Variants in LRP1 observed in about 807,000 individuals in gnomAD.
LRP1 encodes prolow-density lipoprotein receptor-related protein 1.
LRP1 carries 51 observed loss-of-function variants against 541.5 expected under a neutral mutation model. The observed-to-expected ratio is 0.09, with a 90% CI of 0.08 to 0.12. The LOEUF (loss-of-function observed/expected upper bound fraction) is 0.12. Ranked by LOEUF, LRP1 falls within the 10% of genes least tolerant of loss-of-function variation. The probability of loss-of-function intolerance (pLI) is 1.00; values close to 1 mark genes in which losing one functional copy is unlikely to be tolerated. For synonymous variants in LRP1, 2,219 were observed against 2,470.8 expected, an observed-to-expected ratio of 0.90 and a Z score of 3.02; for missense variants, 3,878 against 6,376.2, an observed-to-expected ratio of 0.61 and a Z score of 13.34.
At chr12:57,190,667 C>T in intron 42 of LRP1, 138 bp from the exon 43 acceptor site, 2 of 679,042 alleles carry the variant, frequency 2.9e-6, no homozygotes, top group South Asian at 1.7e-5. Context: ...GGCATTGGGG[C>T]ACTGCTGGCC....
rs150870311 is a variant in LRP1, at chr12:57,184,481, G to A, written c.6186+29G>A. ...CGCACGCCAACTTGGCCTTGGATCC[G>A]ATGGTAGACCCCTGACCCAGGCTCC... On this transcript the variant is annotated intron_variant, in intron 38 of 88. Transcript: ENST00000243077. The surrounding 1 kb of genome is among the most constrained non-coding windows in gnomAD (Gnocchi z 7.8). 5,035 of 1,613,634 alleles carry A rather than the reference G, an allele frequency of 3.1e-3. 11 individuals are homozygous for A. The highest frequency in any genetic ancestry group is 4.0e-3 in the Non-Finnish European group (4,695 of 1,179,850).
chr12:57,187,790 A>G (rs2036298664), intron 42 of LRP1, among the ~76,000 whole-genome samples: 1 of 152,210 alleles, frequency 6.6e-6, no homozygotes, highest in African/African-American at 2.4e-5. Flanking sequence ...AGCTTCAGGC[A>G]AAGAATGTTT....
chr12:57,191,631 C>A (rs1348431722), intron 44 of LRP1, 119 bp downstream of exon 44: 9 of 814,112 alleles, frequency 1.1e-5, no homozygotes, highest in Non-Finnish European at 1.7e-5. Flanking sequence ...CACACACACA[C>A]ATCCCACACA....
In LRP1 at chr12:57,165,533, T is replaced by C; in HGVS notation, c.2531-272T>C. On this transcript the variant is annotated intron_variant, in intron 15 of 88. Coordinates refer to ENST00000243077, the MANE Select transcript of LRP1 (RefSeq NM_002332.3). This position sits in a 1 kb window ranked among gnomAD's most constrained non-coding sequence, Gnocchi z 4.5. ...AGAGCCTGTTCGGTGGTGACAGAGG[T>C]ATAGAGGCCATGGGCTCTCTTGGAC... 1 of 387,362 alleles carries C rather than the reference T, an allele frequency of 2.6e-6. No individual in the cohort carries two copies. The highest frequency in any genetic ancestry group is 4.7e-6 in the Non-Finnish European group (1 of 210,874). The allele number at this position is 387,362 out of a possible 1,614,324, so 24.0% of individuals were successfully genotyped here. A position where few individuals can be genotyped will look rare whatever the true frequency, so the allele number is the denominator to read the frequency against.
At chr12:57,157,583 C>G (rs944882354) in intron 10 of LRP1, among the ~76,000 whole-genome samples, 1 of 152,164 alleles carries the variant, frequency 6.6e-6, no homozygotes, top group Non-Finnish European at 1.5e-5. Context: ...CACACTCCAG[C>G]CTGGATGACA....
rs1458948195 is a variant in LRP1, at chr12:57,210,780, G to A, written c.12817G>A (p.Ala4273Thr). 4 of 1,613,404 alleles carry A rather than the reference G, an allele frequency of 2.5e-6. No homozygotes were observed. In the African/African-American group the frequency reaches 5.3e-5, roughly 22 times the overall value. The stretch of plus-strand genomic sequence containing the variant: ...CCCCAAATGCACCCAGCAGGTGTGT[G>A]CGGGCTACTGTGCCAACAACAGCAC... ...TGPKCTQQVC[A>T]GYCANNSTCT... The change falls in exon 83 of 89, where the codon GCG (alanine) becomes ACG (threonine). Residue 4273 changes from alanine (A) to threonine (T), a missense_variant. Physicochemically the swap from Ala to Thr is moderately conservative, Grantham distance 58. This residue lies in a region of LRP1 where 871 missense variants were observed against 1,212.4 expected (regional missense o/e 0.72). Coordinates refer to ENST00000243077, the MANE Select transcript of LRP1 (RefSeq NM_002332.3).
In LRP1 at chr12:57,173,168, C is replaced by T; in HGVS notation, c.3164C>T (p.Ala1055Val). 1 of 1,603,228 alleles carries T rather than the reference C, an allele frequency of 6.2e-7. No homozygotes were observed. Among genetic ancestry groups the T allele is most frequent in the Non-Finnish European group, 8.5e-7 (1 of 1,173,554 alleles). ...DETHANCTNQ[A>V]TRPPGGCHTD... Reference sequence around the variant, plus strand: ...GAGGCCCTCCACTGTCCCTCTGCAGCCACGAGGCCCCCTGGTGGCTGCCAC... The same window carrying T: ...GAGGCCCTCCACTGTCCCTCTGCAGTCACGAGGCCCCCTGGTGGCTGCCAC... The change falls in exon 21 of 89, where the codon GCC becomes GTC. Residue 1055 changes from alanine (A) to valine (V), a missense_variant and splice_region_variant. Ala to Val is a moderately conservative substitution (Grantham distance 64, BLOSUM62 0). This residue lies in a region of LRP1 where 320 missense variants were observed against 547.9 expected (regional missense o/e 0.58). Transcript: ENST00000243077. This position sits in a 1 kb window ranked among gnomAD's most constrained non-coding sequence, Gnocchi z 4.7.
chr12:57,210,135 C>T lies in LRP1; in HGVS notation c.12546C>T (p.Cys4182=), dbSNP rs752644490. 8.1e-6 allele frequency: 13 copies of T among 1,611,476 alleles called. No individual in the cohort carries two copies. Among genetic ancestry groups the T allele is most frequent in the South Asian group, 3.3e-5 (3 of 90,820 alleles). The change falls in exon 81 of 89, where the codon TGC becomes TGT. Residue 4182 remains cysteine, a synonymous_variant. Transcript: ENST00000243077. The stretch of plus-strand genomic sequence containing the variant: ...GGAAGCGGCTGGACAACGGCACATG[C>T]GTGCCTGTGCCCTCTCCAACGCCCC... ...PNGKRLDNGT[C]VPVPSPTPPP... is the part of the protein sequence containing the mutation.
chr12:57,197,715 T>C lies in LRP1; in HGVS notation c.9282+51T>C. ...AACACTGGCCCGCCTCAGATGACTG[T>C]TTTCAGATCGTCTCTCCTTCCCGCC... On this transcript the variant is annotated intron_variant, in intron 58 of 88. Transcript: ENST00000243077. The surrounding 1 kb of genome is among the most constrained non-coding windows in gnomAD (Gnocchi z 4.5). 1 of 1,597,374 alleles carries C rather than the reference T, an allele frequency of 6.3e-7. No individual in the cohort carries two copies. Among genetic ancestry groups the C allele is most frequent in the Non-Finnish European group, 8.5e-7 (1 of 1,172,870 alleles).
Position 57,203,278 on chromosome 12 carries a change from C to A in LRP1, c.10809C>A (p.Gly3603=). The A allele has an allele frequency of 1.2e-6, 2 of 1,606,162 alleles. No individual in the cohort carries two copies. Among genetic ancestry groups the A allele is most frequent in the Non-Finnish European group, 8.5e-7 (1 of 1,174,582 alleles). ...KCDGDHDCAD[G]SDEKDCTPRC... is the part of the protein sequence containing the mutation. ...ATGGAGACCACGACTGCGCGGACGG[C>A]TCGGACGAGGTGGGCAGGGAGATGA... Residue 3603 remains glycine (G), a synonymous_variant, in exon 69 of 89, where the codon GGC becomes GGA. Transcript: ENST00000243077.
chr12:57,158,228 C>T lies in LRP1; in HGVS notation c.1562-174C>T, dbSNP rs1346723245. ...ACCCCAGGGTATTGCGGCCAGGACCCATCGTCCTGTATGTTAGCGTGTGCG... is the reference window on the plus strand; with the variant it reads ...ACCCCAGGGTATTGCGGCCAGGACCTATCGTCCTGTATGTTAGCGTGTGCG... On this transcript the variant is annotated intron_variant, in intron 10 of 88. Transcript: ENST00000243077. The surrounding 1 kb of genome is among the most constrained non-coding windows in gnomAD (Gnocchi z 5.3). Among the ~76,000 whole-genome samples the T allele has an allele frequency of 6.6e-6, 1 of 152,200 alleles. No homozygotes were observed. The highest frequency in any genetic ancestry group is 1.5e-5 in the Non-Finnish European group (1 of 68,036).
At position 57,184,401 on chromosome 12, in the gene LRP1, G is replaced by T; in HGVS notation, c.6135G>T (p.Val2045=). 6.2e-7 allele frequency: 1 copy of T among 1,614,236 alleles called. No homozygotes were observed. Among genetic ancestry groups the T allele is most frequent in the Non-Finnish European group, 8.5e-7 (1 of 1,180,038 alleles). Residue 2045 remains valine (V), a synonymous_variant, in exon 38 of 89, where the codon GTG becomes GTT. Coordinates refer to ENST00000243077, the MANE Select transcript of LRP1 (RefSeq NM_002332.3). This position sits in a 1 kb window ranked among gnomAD's most constrained non-coding sequence, Gnocchi z 7.8. ...RSRLDGTERV[V]LVNVSISWPN... ...GGCTAGATGGCACGGAGCGTGTGGT[G>T]CTGGTCAACGTCAGCATCAGCTGGC... is the stretch of plus-strand genomic sequence containing the variant.
At chr12:57,141,607 G>A in intron 3 of LRP1, 96 bp downstream of exon 3, 1 of 1,463,296 alleles carries the variant, frequency 6.8e-7, no homozygotes, top group Admixed American at 1.8e-5. Context: ...TGGGGATGAG[G>A]CCTTGTCCTG....
chr12:57,175,838 G>A, intron 23 of LRP1, 71 bp from the exon 24 acceptor site: 1 of 1,590,676 alleles, frequency 6.3e-7, no homozygotes, highest in East Asian at 2.2e-5. Flanking sequence ...GCAGAGACCT[G>A]CCTGCGCCAG....
chr12:57,143,668 C>G lies in LRP1; in HGVS notation c.329-11C>G. 6.2e-7 allele frequency: 1 copy of G among 1,611,332 alleles called. No individual in the cohort carries two copies. Among genetic ancestry groups the G allele is most frequent in the Non-Finnish European group, 8.5e-7 (1 of 1,178,120 alleles). On this transcript the variant is annotated splice_polypyrimidine_tract_variant and intron_variant, in intron 3 of 88. Transcript: ENST00000243077. ...GCGGCCTGAATATGTGTCTCTCCTG[C>G]CCCCACACAGAGCTCCAAGGCAACT... is the stretch of plus-strand genomic sequence containing the variant.
chr12:57,204,608 G>T lies in LRP1; in HGVS notation c.11072-19G>T. On this transcript the variant is annotated intron_variant, in intron 71 of 88. Coordinates refer to ENST00000243077, the MANE Select transcript of LRP1 (RefSeq NM_002332.3). The surrounding 1 kb of genome is among the most constrained non-coding windows in gnomAD (Gnocchi z 5.3). ...CTCCCAAGACTAATTCTGGCTCTGTGTCCCCCTGGCTGCTGCAGCCCGGTT... is the reference window on the plus strand; with the variant it reads ...CTCCCAAGACTAATTCTGGCTCTGTTTCCCCCTGGCTGCTGCAGCCCGGTT... 1 of 1,613,294 alleles carries T rather than the reference G, an allele frequency of 6.2e-7. No individual in the cohort carries two copies. The highest frequency in any genetic ancestry group is 1.1e-5 in the South Asian group (1 of 91,064).
At position 57,194,492 on chromosome 12, in the gene LRP1, G is replaced by A. The variant is rs148104493; in HGVS notation, c.8057G>A (p.Arg2686His). 12 of 1,604,760 alleles carry A rather than the reference G, an allele frequency of 7.5e-6. No homozygotes were observed. The highest frequency in any genetic ancestry group is 2.2e-5 in the East Asian group (1 of 44,668). ...GACTGTGGGGACTACAGTGATGAGC[G>A]CGACTGCCCAGGTGGGCGGGGGCAG... ...ANDCGDYSDE[R>H]DCPGVKRPRC... The change falls in exon 49 of 89, where the codon CGC becomes CAC. Residue 2686 changes from arginine (R) to histidine (H), a missense_variant. Transcript: ENST00000243077.
At position 57,154,230 on chromosome 12, in the gene LRP1, C is replaced by A. The variant is rs758269531; in HGVS notation, c.864C>A (p.Asp288Glu). 1.9e-6 allele frequency: 3 copies of A among 1,614,106 alleles called. No homozygotes were observed. Among genetic ancestry groups the A allele is most frequent in the Non-Finnish European group, 2.5e-6 (3 of 1,179,952 alleles). Residue 288 changes from aspartate to glutamate, a missense_variant, in exon 7 of 89, where the codon GAC becomes GAA. By Grantham distance (45) the Asp-to-Glu change is conservative (BLOSUM62 2). Transcript: ENST00000243077. The surrounding 1 kb of genome is among the most constrained non-coding windows in gnomAD (Gnocchi z 4.6). ...CAGACGTGGAACAGATGGCCATCGA[C>A]TGGCTGACAGGCAACTTCTACTTTG... The part of the protein sequence containing the change: ...SLHHVEQMAI[D>E]WLTGNFYFVD...
chr12:57,194,482 A>G lies in LRP1; in HGVS notation c.8047A>G (p.Ser2683Gly). The G allele has an allele frequency of 6.2e-7, 1 of 1,600,370 alleles. No homozygotes were observed. Among genetic ancestry groups the G allele is most frequent in the African/African-American group, 1.3e-5 (1 of 74,424 alleles). ...TGGCGCCAATGACTGTGGGGACTAC[A>G]GTGATGAGCGCGACTGCCCAGGTGG... ...CDGANDCGDYSDERDCPGVKR... is the reference protein window; with the variant it reads ...CDGANDCGDYGDERDCPGVKR... The change falls in exon 49 of 89, where the codon AGT (serine) becomes GGT (glycine). Residue 2683 changes from serine to glycine, a missense_variant. Coordinates refer to ENST00000243077, the MANE Select transcript of LRP1 (RefSeq NM_002332.3).
Sources: gnomAD v4.1 joint callset for allele counts (sites outside exome capture counted in the v4.1 genomes callset) on GRCh38, gnomAD v4.1.1 for gene constraint, gnomAD v4.1.1 regional missense constraint, Gnocchi (gnomAD v3.1) non-coding constraint, MANE v1.5 for transcripts, NCBI Gene and HGNC (gene_info 2026-07-23, HGNC 2026-07-21) for gene names.